TNS1: variants seen among roughly 807,000 people sequenced by gnomAD.
TNS1 encodes the protein tensin 1, also known as tensin-1.
A neutral mutation model predicts 168.6 loss-of-function variants in TNS1; 62 were observed. The ratio of observed to expected loss-of-function variants is 0.37; its 90% CI spans 0.30 to 0.45. TNS1 has a LOEUF of 0.45. TNS1 is among the 20% of genes least tolerant of loss of function. TNS1 has a pLI of 1.00. For synonymous variants in TNS1, 934 were observed against 933.2 expected (o/e 1.00, Z -0.02); for missense variants, 2,240 against 2,339.4 (o/e 0.96, Z 0.88).
At chr2:217,808,774 TC>T in intron 30 of TNS1, 103 bp from the exon 31 acceptor site, 1 of 1,048,256 alleles carries the variant, frequency 9.5e-7, no homozygotes, top group Non-Finnish European at 1.5e-6. Context: ...TCTGTGGCTA[TC>T]GCAGGTCCAC....
intron 22 of TNS1, chr2:217,829,909 G>C (rs1041713653): frequency 6.2e-7 from 1 of 1,612,620 alleles, no homozygotes; most frequent in Non-Finnish European, 8.5e-7. Context: ...AGAGAGGTGG[G>C]AGGAAGGAGA....
rs542742231 is a variant in TNS1, at chr2:217,836,927, G to A, written c.3008-716C>T. Among the ~76,000 whole-genome samples the A allele has an allele frequency of 6.6e-5, 10 of 152,202 alleles. No individual in the cohort carries two copies. In the South Asian group the frequency reaches 1.5e-3, roughly 22 times the overall value. On this transcript the variant is annotated intron_variant, in intron 19 of 32. Coordinates refer to ENST00000682258, the MANE Select transcript of TNS1 (RefSeq NM_001387777.1). ...AGTCGTGTGCTCCATCTGCTTTTCTGTACTTCCCATCCCAATCCCATTCCA... is the reference window on the plus strand; with the variant it reads ...AGTCGTGTGCTCCATCTGCTTTTCTATACTTCCCATCCCAATCCCATTCCA...
chr2:217,957,321 T>A (rs1203312388), intron 3 of TNS1, among the ~76,000 whole-genome samples: 1 of 152,052 alleles, frequency 6.6e-6, no homozygotes, highest in Non-Finnish European at 1.5e-5. Flanking sequence ...CACTCCAAGG[T>A]GCCGCACTCC....
chr2:217,972,130 C>T (rs1957786189), intron 3 of TNS1, among the ~76,000 whole-genome samples: 1 of 152,198 alleles, frequency 6.6e-6, no homozygotes, highest in South Asian at 2.1e-4. Flanking sequence ...TTACCATTCC[C>T]AGCCCTCACA....
At chr2:217,891,689 G>T (rs945614657) in intron 11 of TNS1, among the ~76,000 whole-genome samples, 61 of 152,226 alleles carry the variant, frequency 4.0e-4, no homozygotes, top group African/African-American at 1.4e-3. Context: ...AAACCCCAAA[G>T]TCCTCAGTGA....
At position 217,877,124 on chromosome 2, in the gene TNS1, G is replaced by A. The variant is rs184120944; in HGVS notation, c.1429+3774C>T. ...CCCTTTGATTCTTCACCCTCATCAC[G>A]CCCCCCTCCTCCTGGCCCAGGAGCA... On this transcript the variant is annotated intron_variant, in intron 18 of 32. Coordinates refer to ENST00000682258, the MANE Select transcript of TNS1 (RefSeq NM_001387777.1). 5.9e-5 allele frequency among the ~76,000 whole-genome samples: 9 copies of A among 151,968 alleles called. No homozygotes were observed. The East Asian group carries it at 1.5e-3, about 26-fold the overall frequency.
At chr2:217,876,587 C>T (rs1950224274) in intron 18 of TNS1, among the ~76,000 whole-genome samples, 1 of 152,186 alleles carries the variant, frequency 6.6e-6, no homozygotes, top group Admixed American at 6.5e-5. Context: ...GTGTGACGAG[C>T]TGAACTGTTC....
At chr2:217,990,835 G>T in intron 2 of TNS1, 107 bp downstream of exon 2, 19 of 268,572 alleles carry the variant, frequency 7.1e-5, no homozygotes, top group Non-Finnish European at 8.8e-5. Flanking sequence ...GCGTCAGGTT[G>T]GGACCCCAAG....
intron 22 of TNS1, among the ~76,000 whole-genome samples, chr2:217,830,853 G>C (rs990842683): frequency 6.6e-6 from 1 of 152,226 alleles, no homozygotes; most frequent in Non-Finnish European, 1.5e-5. Context: ...CAAGGGGATC[G>C]AGGAAACGGC....
chr2:218,031,016 A>G (rs575293989), intron 1 of TNS1, among the ~76,000 whole-genome samples: 2 of 139,720 alleles, frequency 1.4e-5, no homozygotes, highest in East Asian at 2.3e-4. Context: ...GTGGGAGTGT[A>G]TGTGTGTATG....
intron 5 of TNS1, among the ~76,000 whole-genome samples, chr2:217,906,900 A>T (rs1953771598): frequency 6.6e-6 from 1 of 152,156 alleles, no homozygotes; most frequent in African/African-American, 2.4e-5. Context: ...ATTTTCTTGC[A>T]TTCTGCATAT....
intron 28 of TNS1, among the ~76,000 whole-genome samples, chr2:217,811,085 C>T (rs997855130): frequency 1.1e-4 from 17 of 152,090 alleles, no homozygotes; most frequent in African/African-American, 4.1e-4. Context: ...TTCTGATATT[C>T]TACAGGCTGG....
intron 3 of TNS1, among the ~76,000 whole-genome samples, chr2:217,960,332 TACTA>T (rs1957466898): frequency 6.6e-6 from 1 of 152,044 alleles, no homozygotes; most frequent in Non-Finnish European, 1.5e-5. Flanking sequence ...TGCTCACTGA[TACTA>T]GCCCCATCTC....
chr2:217,988,788 C>G (rs562570020), intron 2 of TNS1, among the ~76,000 whole-genome samples: 1 of 152,172 alleles, frequency 6.6e-6, no homozygotes, highest in Non-Finnish European at 1.5e-5. Context: ...AATCCCCACT[C>G]GGGCCCCACT....
Position 217,818,623 on chromosome 2 carries a change from T to A in TNS1, c.3709A>T (p.Ser1237Cys). The change falls in exon 24 of 33, where the codon AGC (serine) becomes TGC (cysteine). Residue 1237 changes from serine (S) to cysteine (C), a missense_variant. Coordinates refer to ENST00000682258, the MANE Select transcript of TNS1 (RefSeq NM_001387777.1). ...PSPSAQRNYQ[S>C]SSPLPTVGSS... is the part of the protein sequence containing the mutation. ...CCCACAGTCGGGAGAGGAGAAGAGC[T>A]CTGGTAGTTTCTCTGGGCAGACGGG... is the stretch of plus-strand genomic sequence containing the variant. 6.2e-7 allele frequency: 1 copy of A among 1,614,152 alleles called. No individual in the cohort carries two copies. The highest frequency in any genetic ancestry group is 1.1e-5 in the South Asian group (1 of 91,086).
At chr2:217,864,943 G>T (rs1451584896) in intron 18 of TNS1, among the ~76,000 whole-genome samples, 3 of 152,172 alleles carry the variant, frequency 2.0e-5, no homozygotes, top group African/African-American at 7.2e-5. Context: ...GATCCATGTG[G>T]TTCCATGCAG....
At position 217,818,026 on chromosome 2, in the gene TNS1, G is replaced by C; in HGVS notation, c.4306C>G (p.Arg1436Gly). Residue 1436 changes from arginine (R) to glycine (G), a missense_variant, in exon 24 of 33, where the codon CGG becomes GGG. Physicochemically the swap from Arg to Gly is moderately radical, Grantham distance 125 (BLOSUM62 -2). Transcript: ENST00000682258. ...CTCTGCCGGGACAGTGTGGGTCTCC[G>C]ATCCTCCGGGGTAGAATAGCCACCA... Reference protein sequence around the residue: ...AYGGYSTPEDRRPTLSRQSSA... With the variant: ...AYGGYSTPEDGRPTLSRQSSA... 2.5e-6 allele frequency: 4 copies of C among 1,598,718 alleles called. No individual in the cohort carries two copies. Among genetic ancestry groups the C allele is most frequent in the Non-Finnish European group, 2.6e-6 (3 of 1,172,666 alleles).
intron 1 of TNS1, among the ~76,000 whole-genome samples, chr2:218,024,623 G>C (rs1414494201): frequency 6.6e-6 from 1 of 152,084 alleles, no homozygotes; most frequent in Admixed American, 6.5e-5. Context: ...CTTGGCAATG[G>C]CTCTGAGCAC....
chr2:217,927,298 G>T (rs1444836012), intron 3 of TNS1, among the ~76,000 whole-genome samples: 2 of 152,228 alleles, frequency 1.3e-5, no homozygotes, highest in East Asian at 3.8e-4. Context: ...CACAGGATGG[G>T]TGAAGGAAAG....
Sources: allele counts gnomAD v4.1 joint callset (sites outside exome capture counted in the v4.1 genomes callset), GRCh38; gene constraint gnomAD v4.1.1; transcripts MANE v1.5; gene names NCBI Gene and HGNC (gene_info 2026-07-23, HGNC 2026-07-21).